Variants in RBFOX1 observed in about 807,000 individuals in gnomAD.
RBFOX1 encodes RNA binding protein fox-1 homolog 1.
A neutral mutation model predicts 57.7 loss-of-function variants in RBFOX1; 8 were observed. That is an observed-to-expected ratio of 0.14 (90% CI 0.08 to 0.25). RBFOX1 has a LOEUF of 0.25. Among genes scored for constraint, RBFOX1 ranks in the 10% least tolerant of loss-of-function variants. The pLI is 1.00. For synonymous variants in RBFOX1, 326 were observed against 222.4 expected, an observed-to-expected ratio of 1.47 and a Z score of -4.15; for missense variants, 611 against 548.5, an observed-to-expected ratio of 1.11 and a Z score of -1.14.
At chr16:5,869,214 C>T (rs1218806805) in intron 4 of RBFOX1, among the ~76,000 whole-genome samples, 1 of 152,020 alleles carries the variant, frequency 6.6e-6, no homozygotes. Flanking sequence ...ACTGATTGCG[C>T]TTTCTGGAGC....
rs1240557403 is a variant in RBFOX1, at chr16:6,316,903, G to A, written c.-126-92G>A. 145 of 927,444 alleles carry A rather than the reference G, an allele frequency of 1.6e-4. No homozygotes were observed. In the East Asian group the frequency reaches 3.6e-3, roughly 23 times the overall value. 57.5% of individuals were successfully genotyped at this position (927,444 alleles called of 1,614,324 possible). On this transcript the variant is annotated intron_variant, in intron 1 of 15. Transcript: ENST00000550418. ...CAATATAGTCAGAACCTATTTTGAA[G>A]GTTGGTCCATATTACTATGACAAAA... is the stretch of plus-strand genomic sequence containing the variant.
rs1484016146 is a variant in RBFOX1 at position 5,946,423 on chromosome 16, C to T, written c.351+79088C>T. 2.6e-5 allele frequency among the ~76,000 whole-genome samples: 4 copies of T among 152,210 alleles called. No individual in the cohort carries two copies. The highest frequency in any genetic ancestry group is 1.5e-5 in the Non-Finnish European group (1 of 68,042). ...CCAACCAAGTGCCGGATGCACTACT[C>T]TATCTTGCGACAGAGCCATGAACAG... is the stretch of plus-strand genomic sequence containing the variant. On this transcript the variant is annotated intron_variant, in intron 4 of 19. Transcript: ENST00000641259. The surrounding 1 kb of genome is among the most constrained non-coding windows in gnomAD (Gnocchi z 4.6).
chr16:5,944,133 A>G (rs773575426), intron 4 of RBFOX1, among the ~76,000 whole-genome samples: 1 of 152,238 alleles, frequency 6.6e-6, no homozygotes, highest in Non-Finnish European at 1.5e-5. Context: ...AACAAGCCTT[A>G]GTTCATATCC....
At chr16:6,289,363 C>T (rs1011675198) in intron 1 of RBFOX1, among the ~76,000 whole-genome samples, 1 of 152,028 alleles carries the variant, frequency 6.6e-6, no homozygotes, top group African/African-American at 2.4e-5. Flanking sequence ...AGTATAATGC[C>T]CTTCCCTCCC....
chr16:6,893,490 G>T (rs2066012199), intron 3 of RBFOX1, among the ~76,000 whole-genome samples: 1 of 152,126 alleles, frequency 6.6e-6, no homozygotes, highest in African/African-American at 2.4e-5. Flanking sequence ...GAGGTCCCTT[G>T]TCAGTATCAA....
chr16:6,498,510 G>C (rs1340769049), intron 2 of RBFOX1, among the ~76,000 whole-genome samples: 1 of 152,142 alleles, frequency 6.6e-6, no homozygotes, highest in Non-Finnish European at 1.5e-5. Flanking sequence ...TCAGCAATCA[G>C]GCCCTTTTAG....
chr16:7,614,134 C>T (rs946085634), intron 10 of RBFOX1: 2 of 152,174 alleles, frequency 1.3e-5, no homozygotes, highest in African/African-American at 4.8e-5. Context: ...TCCTCATGAA[C>T]CATTGACCTT....
intron 4 of RBFOX1, among the ~76,000 whole-genome samples, chr16:5,951,653 C>G (rs965315138): frequency 6.6e-6 from 1 of 152,050 alleles, no homozygotes; most frequent in African/African-American, 2.4e-5. Flanking sequence ...CAGAAACAGT[C>G]CCTGCACTGC....
chr16:5,302,181 A>G (rs1238295738), intron 1 of RBFOX1, among the ~76,000 whole-genome samples: 1 of 152,084 alleles, frequency 6.6e-6, no homozygotes, highest in Non-Finnish European at 1.5e-5. Context: ...AATTTCCCTC[A>G]TATTTTAGTC....
intron 5 of RBFOX1, among the ~76,000 whole-genome samples, chr16:7,579,070 G>A (rs559175404): frequency 6.6e-6 from 1 of 152,228 alleles, no homozygotes; most frequent in Non-Finnish European, 1.5e-5. Flanking sequence ...ATAACTACAT[G>A]TGGTTCTTGA....
chr16:6,799,361 T>C (rs1369971981), intron 3 of RBFOX1, among the ~76,000 whole-genome samples: 1 of 152,148 alleles, frequency 6.6e-6, no homozygotes. Flanking sequence ...GCAGTCTTTG[T>C]AGTTAAAAAA....
intron 4 of RBFOX1, among the ~76,000 whole-genome samples, chr16:7,236,195 AAATC>A (rs2093757669): frequency 6.6e-6 from 1 of 152,198 alleles, no homozygotes; most frequent in Non-Finnish European, 1.5e-5. Context: ...TAATATATAA[AAATC>A]AAAGTAAATA....
chr16:5,867,399 A>G, intron 4 of RBFOX1: 1 of 983,932 alleles, frequency 1.0e-6, no homozygotes, highest in African/African-American at 1.7e-5. Context: ...TTTGTGATGG[A>G]GTGTAACGAG....
intron 3 of RBFOX1, among the ~76,000 whole-genome samples, chr16:5,838,821 C>A (rs186720909): frequency 4.4e-4 from 67 of 152,330 alleles, no homozygotes; most frequent in African/African-American, 1.6e-3. Flanking sequence ...TTAACGTGAA[C>A]TAAGCACTTT....
chr16:6,253,973 C>G (rs1024619217), intron 1 of RBFOX1, among the ~76,000 whole-genome samples: 1 of 152,050 alleles, frequency 6.6e-6, no homozygotes, highest in East Asian at 1.9e-4. Flanking sequence ...GGACAGAACT[C>G]TTATAAAGAA....
chr16:5,942,419 T>C (rs1317491363), intron 4 of RBFOX1, among the ~76,000 whole-genome samples: 1 of 152,136 alleles, frequency 6.6e-6, no homozygotes, highest in Non-Finnish European at 1.5e-5. Context: ...AATCATTTGG[T>C]TGTCAGAAAT....
intron 4 of RBFOX1, among the ~76,000 whole-genome samples, chr16:7,135,922 G>GTCT (rs2071808758): frequency 6.6e-6 from 1 of 152,154 alleles, no homozygotes; most frequent in South Asian, 2.1e-4. Context: ...CATCTGCATT[G>GTCT]TCTTTGGAGT....
intron 2 of RBFOX1, among the ~76,000 whole-genome samples, chr16:5,501,971 C>T (rs2043212643): frequency 6.6e-6 from 1 of 152,028 alleles, no homozygotes; most frequent in Non-Finnish European, 1.5e-5. Context: ...GATCCTCCCA[C>T]CTTGGCCTCC....
intron 3 of RBFOX1, among the ~76,000 whole-genome samples, chr16:6,972,725 A>C (rs959934238): frequency 6.6e-6 from 1 of 152,136 alleles, no homozygotes. Context: ...TCTCATGCGA[A>C]AGTATAAGTG....
Sources: allele counts gnomAD v4.1 joint callset (sites outside exome capture counted in the v4.1 genomes callset), GRCh38; gene constraint gnomAD v4.1.1; non-coding constraint Gnocchi (gnomAD v3.1); transcripts MANE v1.5; gene names NCBI Gene and HGNC (gene_info 2026-07-23, HGNC 2026-07-21).